The following RPRD1A variants were observed in gnomAD, a reference collection of about 807,000 sequenced individuals.
RPRD1A encodes the protein regulation of nuclear pre-mRNA domain-containing protein 1A.
In RPRD1A, 9 loss-of-function variants were observed where a neutral mutation model predicts 37.8. The ratio of observed to expected loss-of-function variants is 0.24; its 90% CI spans 0.14 to 0.42. The LOEUF is 0.42. RPRD1A is among the 10% of genes least tolerant of loss of function. The pLI, the probability that RPRD1A is intolerant of heterozygous loss-of-function variation, is 1.00. For synonymous variants in RPRD1A, 138 were observed against 139.7 expected (o/e 0.99, Z 0.08); for missense variants, 255 against 371.0 (o/e 0.69, Z 2.57).
intron 6 of RPRD1A, among the ~76,000 whole-genome samples, chr18:35,996,977 C>CAAAAAAAAAAAAA (rs200694089): frequency 3.6e-5 from 2 of 55,612 alleles, no homozygotes; most frequent in African/African-American, 1.5e-4. Flanking sequence ...GACCCTGTCT[C>CAAAAAAAAAAAAA]AAAAAAAAAA....
intron 1 of RPRD1A, among the ~76,000 whole-genome samples, chr18:36,054,431 C>T (rs1913619818): frequency 6.6e-6 from 1 of 152,166 alleles, no homozygotes; most frequent in Non-Finnish European, 1.5e-5. Flanking sequence ...GCAGAGGTTG[C>T]AGTGAGCAGA....
intron 1 of RPRD1A, among the ~76,000 whole-genome samples, chr18:36,039,038 T>C (rs1912395400): frequency 1.3e-5 from 2 of 152,188 alleles, no homozygotes; most frequent in Non-Finnish European, 1.5e-5. Context: ...TTTGAGTTAA[T>C]GCTAGAATGA....
intron 2 of RPRD1A, 35 bp from the exon 3 acceptor site, chr18:36,031,132 TA>T (rs758219178): frequency 2.9e-5 from 43 of 1,495,870 alleles, no homozygotes; most frequent in Non-Finnish European, 3.8e-5. Context: ...AGAAAAATGT[TA>T]ACAGTAACAA....
At chr18:36,034,880 G>A (rs1394325585) in intron 1 of RPRD1A, among the ~76,000 whole-genome samples, 2 of 152,208 alleles carry the variant, frequency 1.3e-5, no homozygotes, top group African/African-American at 4.8e-5. Flanking sequence ...TTCTCGAGGA[G>A]CAACCAGAAG....
chr18:36,062,395 A>G (rs1018098984), intron 1 of RPRD1A, among the ~76,000 whole-genome samples: 23 of 151,608 alleles, frequency 1.5e-4, no homozygotes, highest in African/African-American at 5.1e-4. Context: ...CAAAAGGTTG[A>G]ACATAGGATT....
Position 36,031,099 on chromosome 18 carries a change from T to TAAAAAAAAAAAAAA in RPRD1A, c.282-16_282-3dup, listed in dbSNP as rs377216293. On this transcript the variant is annotated splice_region_variant and splice_polypyrimidine_tract_variant and intron_variant, in intron 2 of 6. Coordinates refer to ENST00000399022, the MANE Select transcript of RPRD1A (RefSeq NM_018170.5). ...TTCTTACAACTTTCATCAGTTTCAC[T>TAAAAAAAAAAAAAA]AAAAAAAAAAAAAAAGAAAAAAAGA... The TAAAAAAAAAAAAAA allele has an allele frequency of 1.0e-6, 1 of 989,910 alleles. No homozygotes were observed. Among genetic ancestry groups the TAAAAAAAAAAAAAA allele is most frequent in the African/African-American group, 2.2e-5 (1 of 46,264 alleles). The allele number at this position is 989,910 out of a possible 1,614,324, so 61.3% of individuals were successfully genotyped here.
At chr18:35,999,054 C>G (rs1282784209) in intron 6 of RPRD1A, among the ~76,000 whole-genome samples, 1 of 151,390 alleles carries the variant, frequency 6.6e-6, no homozygotes, top group Non-Finnish European at 1.5e-5. Flanking sequence ...TTTTCTGACT[C>G]TGGCCTCAAG....
chr18:36,015,417 T>C (rs890397729), intron 6 of RPRD1A, among the ~76,000 whole-genome samples: 4 of 152,038 alleles, frequency 2.6e-5, no homozygotes, highest in African/African-American at 9.7e-5. Context: ...TTCACCATGT[T>C]GGCCAGGCTG....
chr18:36,023,207 A>G (rs1911129633), intron 6 of RPRD1A, among the ~76,000 whole-genome samples: 1 of 152,250 alleles, frequency 6.6e-6, no homozygotes, highest in Admixed American at 6.5e-5. Context: ...AAAATGATTC[A>G]CAATTCTAGA....
chr18:36,027,890 T>C (rs1911489468), intron 4 of RPRD1A: 1 of 152,140 alleles, frequency 6.6e-6, no homozygotes, highest in African/African-American at 2.4e-5. Context: ...TTAATAAGAT[T>C]AAAATATTTC....
intron 6 of RPRD1A, among the ~76,000 whole-genome samples, chr18:35,996,977 C>T (rs1272409227): frequency 1.8e-5 from 1 of 55,612 alleles, no homozygotes; most frequent in Non-Finnish European, 3.6e-5. Context: ...GACCCTGTCT[C>T]AAAAAAAAAA....
intron 6 of RPRD1A, among the ~76,000 whole-genome samples, chr18:36,016,507 G>A (rs1198685874): frequency 6.6e-6 from 1 of 152,188 alleles, no homozygotes; most frequent in African/African-American, 2.4e-5. Flanking sequence ...ACAGGCATGA[G>A]CCACCGCGCC....
chr18:36,026,818 G>T, intron 6 of RPRD1A, 82 bp downstream of exon 6: 1 of 1,326,138 alleles, frequency 7.5e-7, no homozygotes, highest in Non-Finnish European at 1.0e-6. Flanking sequence ...TGCAAAATGT[G>T]CACATAGATT....
intron 6 of RPRD1A, among the ~76,000 whole-genome samples, chr18:36,008,544 C>G (rs1909910057): frequency 2.3e-5 from 1 of 43,050 alleles, no homozygotes. Flanking sequence ...CCATCGCACT[C>G]TAGCCTGGGC....
chr18:36,014,820 T>C (rs1371559447), intron 6 of RPRD1A, among the ~76,000 whole-genome samples: 3 of 152,142 alleles, frequency 2.0e-5, no homozygotes, highest in Admixed American at 6.5e-5. Context: ...GCTAAACAAA[T>C]GGCCATAAGC....
rs187614181 is a variant in RPRD1A, at chr18:36,006,240, G to A, written c.790-12940C>T. Among the ~76,000 whole-genome samples the A allele has an allele frequency of 2.0e-4, 31 of 152,212 alleles. No homozygotes were observed. The East Asian group carries it at 4.6e-3, about 23-fold the overall frequency. On this transcript the variant is annotated intron_variant, in intron 6 of 6. Coordinates refer to ENST00000399022, the MANE Select transcript of RPRD1A (RefSeq NM_018170.5). ...GTCAGCCCATCTGGAGTGCAGTGGC[G>A]TCACCATGGCTCACTGCACTCCCAA...
At chr18:36,056,951 ACATC>A (rs1347991932) in intron 1 of RPRD1A, among the ~76,000 whole-genome samples, 1 of 150,854 alleles carries the variant, frequency 6.6e-6, no homozygotes, top group Non-Finnish European at 1.5e-5. Flanking sequence ...CATGATGCTG[ACATC>A]TATAATCCCA....
chr18:36,006,908 A>G (rs1909781421), intron 6 of RPRD1A, among the ~76,000 whole-genome samples: 1 of 152,190 alleles, frequency 6.6e-6, no homozygotes. Context: ...AGAGTCGAGG[A>G]AAAAGAGTCA....
chr18:36,067,113 G>A, intron 1 of RPRD1A, 141 bp downstream of exon 1: 3 of 769,104 alleles, frequency 3.9e-6, no homozygotes, highest in South Asian at 3.7e-5. Flanking sequence ...CGTGGTGCAC[G>A]CAGCTCCTCC....
Sources: allele counts gnomAD v4.1 joint callset (sites outside exome capture counted in the v4.1 genomes callset), GRCh38; gene constraint gnomAD v4.1.1; transcripts MANE v1.5; gene names NCBI Gene and HGNC (gene_info 2026-07-23, HGNC 2026-07-21).